NTM: variants seen among roughly 807,000 people sequenced by gnomAD.
NTM encodes IgLON family member 2.
In NTM, 13 loss-of-function variants were observed where a neutral mutation model predicts 42.1. The observed-to-expected ratio is 0.31, with a 90% CI of 0.20 to 0.49. The LOEUF (loss-of-function observed/expected upper bound fraction) is 0.49, where lower values mean the gene tolerates loss of function less well. NTM is among the 20% of genes least tolerant of loss of function. The pLI is 0.99. For synonymous variants in NTM, 187 were observed against 179.2 expected (o/e 1.04, Z -0.35); for missense variants, 373 against 452.8 (o/e 0.82, Z 1.60).
intron 1 of NTM, among the ~76,000 whole-genome samples, chr11:131,835,724 C>A (rs945830154): frequency 2.6e-4 from 40 of 152,104 alleles, no homozygotes; most frequent in African/African-American, 9.4e-4. Context: ...GCATAGATTT[C>A]CCAAGCATAG....
chr11:132,184,593 C>A (rs965664907), intron 3 of NTM, among the ~76,000 whole-genome samples: 2 of 152,180 alleles, frequency 1.3e-5, no homozygotes, highest in African/African-American at 4.8e-5. Flanking sequence ...GTGAAACCCT[C>A]TCATTCACCT....
chr11:131,393,678 C>G (rs1944264903), intron 1 of NTM, among the ~76,000 whole-genome samples: 1 of 152,218 alleles, frequency 6.6e-6, no homozygotes, highest in Admixed American at 6.5e-5. Context: ...ACCTTTGGCC[C>G]ATGCCTCTCT....
chr11:131,710,103 G>A (rs746870855), intron 1 of NTM, among the ~76,000 whole-genome samples: 42 of 152,126 alleles, frequency 2.8e-4, no homozygotes, highest in Non-Finnish European at 5.9e-4. Context: ...CAAAGAGGGG[G>A]TGGAGCAGAA....
At chr11:132,049,567 G>C (rs2078552674) in intron 2 of NTM, among the ~76,000 whole-genome samples, 1 of 152,200 alleles carries the variant, frequency 6.6e-6, no homozygotes, top group African/African-American at 2.4e-5. Flanking sequence ...TGAGAGGTGA[G>C]CGCCCTTGGC....
chr11:132,070,832 CA>C (rs1396905236), intron 2 of NTM, among the ~76,000 whole-genome samples: 1 of 142,222 alleles, frequency 7.0e-6, no homozygotes, highest in Non-Finnish European at 1.6e-5. Flanking sequence ...GTCACACAGC[CA>C]AGTTAACACG....
At chr11:132,292,912 G>A (rs2094497845) in intron 4 of NTM, among the ~76,000 whole-genome samples, 1 of 151,764 alleles carries the variant, frequency 6.6e-6, no homozygotes, top group Non-Finnish European at 1.5e-5. Context: ...AGGAAGTTAT[G>A]GACAGAGTGA....
rs140742531 is a variant in NTM, at chr11:131,963,591, G to C, written c.167+51943G>C. On this transcript the variant is annotated intron_variant, in intron 2 of 8. Transcript: ENST00000683400. Reference sequence around the variant, plus strand: ...GGATTCTAGCCAGAGGCACTGAGCAGGTTATTGTTGGAGCTCTACTCCTAT... The same window carrying C: ...GGATTCTAGCCAGAGGCACTGAGCACGTTATTGTTGGAGCTCTACTCCTAT... Among the ~76,000 whole-genome samples, 877 of 152,318 alleles carry C rather than the reference G, an allele frequency of 5.8e-3. 7 individuals are homozygous for C. The highest frequency in any genetic ancestry group is 0.02 in the African/African-American group (845 of 41,572).
At chr11:131,514,987 T>C (rs2048713228) in intron 1 of NTM, among the ~76,000 whole-genome samples, 1 of 152,148 alleles carries the variant, frequency 6.6e-6, no homozygotes, top group South Asian at 2.1e-4. Context: ...CAGTTCACTG[T>C]AGCCTTGACG....
chr11:131,588,867 G>T (rs2059113531), intron 1 of NTM, among the ~76,000 whole-genome samples: 1 of 152,208 alleles, frequency 6.6e-6, no homozygotes, highest in African/African-American at 2.4e-5. Flanking sequence ...GATTCTGAGA[G>T]AACTCACTGT....
intron 1 of NTM, among the ~76,000 whole-genome samples, chr11:131,882,403 C>T (rs764730206): frequency 3.9e-5 from 6 of 152,194 alleles, no homozygotes; most frequent in Non-Finnish European, 8.8e-5. Flanking sequence ...AGGCTCACCC[C>T]TGTTATGGAG....
At chr11:132,048,567 C>T (rs928943529) in intron 2 of NTM, among the ~76,000 whole-genome samples, 16 of 152,110 alleles carry the variant, frequency 1.1e-4, no homozygotes, top group African/African-American at 3.4e-4. Flanking sequence ...GTCATAATTC[C>T]GGAGTCTATC....
At chr11:131,776,353 C>G (rs1234784572) in intron 1 of NTM, among the ~76,000 whole-genome samples, 3 of 152,154 alleles carry the variant, frequency 2.0e-5, no homozygotes, top group African/African-American at 7.2e-5. Flanking sequence ...CTTGCAATAC[C>G]TTGCCAAACA....
At chr11:132,316,281 T>A (rs1252186339) in intron 7 of NTM, among the ~76,000 whole-genome samples, 3 of 152,332 alleles carry the variant, frequency 2.0e-5, no homozygotes, top group Non-Finnish European at 4.4e-5. Context: ...AAGAGTTGAA[T>A]AGATGACATT....
At position 132,203,153 on chromosome 11, in the gene NTM, A is replaced by G. The variant is rs1012597439; in HGVS notation, c.401-8869A>G. Among the ~76,000 whole-genome samples the G allele has an allele frequency of 6.6e-5, 10 of 152,272 alleles. No individual in the cohort carries two copies. In the South Asian group the frequency reaches 1.0e-3, roughly 16 times the overall value. Reference sequence around the variant, plus strand: ...TGGCCTGGGGCCTGAGTCCTCATTTAAAGATGCTGTTTATCCTCAAACCTT... The same window carrying G: ...TGGCCTGGGGCCTGAGTCCTCATTTGAAGATGCTGTTTATCCTCAAACCTT... On this transcript the variant is annotated intron_variant, in intron 3 of 8. Transcript: ENST00000683400.
At chr11:132,077,673 T>C (rs2058540745) in intron 2 of NTM, among the ~76,000 whole-genome samples, 2 of 152,192 alleles carry the variant, frequency 1.3e-5, no homozygotes, top group South Asian at 2.1e-4. Flanking sequence ...TAGCCAATGG[T>C]GTGTTTACCA....
intron 2 of NTM, among the ~76,000 whole-genome samples, chr11:131,949,209 A>G (rs2060707659): frequency 6.6e-6 from 1 of 152,242 alleles, no homozygotes; most frequent in Admixed American, 6.5e-5. Flanking sequence ...TGTTACATGC[A>G]TTAGTGTATA....
rs562591512 is a variant in NTM, at chr11:132,316,269, G to A, written c.934+1566G>A. Among the ~76,000 whole-genome samples the A allele has an allele frequency of 1.2e-4, 18 of 152,294 alleles. No individual in the cohort carries two copies. The South Asian group carries it at 1.2e-3, about 11-fold the overall frequency. Reference sequence around the variant, plus strand: ...GAGAAGCAGCAAACAAACAGTTCTCGTAAGAGTTGAATAGATGACATTTAT... The same window carrying A: ...GAGAAGCAGCAAACAAACAGTTCTCATAAGAGTTGAATAGATGACATTTAT... On this transcript the variant is annotated intron_variant, in intron 7 of 8. Coordinates refer to ENST00000683400, the MANE Select transcript of NTM (RefSeq NM_001352005.2).
intron 1 of NTM, among the ~76,000 whole-genome samples, chr11:131,900,402 G>A (rs966795826): frequency 2.0e-5 from 3 of 152,168 alleles, no homozygotes; most frequent in Admixed American, 6.6e-5. Context: ...GCAGTGTGGA[G>A]CCACCAAAGA....
At chr11:131,375,794 CATGT>C (rs57537421) in intron 1 of NTM, among the ~76,000 whole-genome samples, 157 of 151,186 alleles carry the variant, frequency 1.0e-3, no homozygotes, top group African/African-American at 3.3e-3. Flanking sequence ...TTTTTTCTTT[CATGT>C]ATGTATGTAT....
Sources: allele counts gnomAD v4.1 joint callset (sites outside exome capture counted in the v4.1 genomes callset), GRCh38; gene constraint gnomAD v4.1.1; transcripts MANE v1.5; gene names NCBI Gene and HGNC (gene_info 2026-07-23, HGNC 2026-07-21).